Variants in PDLIM2 observed in about 807,000 individuals in gnomAD.
PDLIM2 encodes the protein PDZ and LIM domain protein 2.
Under a neutral mutation model 54.1 loss-of-function variants are expected in PDLIM2, and 51 were observed. The ratio of observed to expected loss-of-function variants is 0.94; its 90% CI spans 0.75 to 1.19. The LOEUF (loss-of-function observed/expected upper bound fraction) is 1.19, where lower values mean the gene tolerates loss of function less well. PDLIM2 is among the 50% of genes most tolerant of loss of function. PDLIM2 has a pLI of 0.00. For synonymous variants in PDLIM2, 398 were observed against 385.6 expected (o/e 1.03, Z -0.38); for missense variants, 912 against 874.0 (o/e 1.04, Z -0.55).
chr8:22,582,175 C>A (rs564090919), intron 3 of PDLIM2, among the ~76,000 whole-genome samples: 3 of 152,186 alleles, frequency 2.0e-5, no homozygotes, highest in African/African-American at 7.2e-5. Context: ...AGGAGATCCC[C>A]GAGCCAGGAG....
chr8:22,584,877 C>G (rs752802805), exon 4 of PDLIM2: 1 of 1,614,102 alleles, frequency 6.2e-7, no homozygotes, highest in South Asian at 1.1e-5. Flanking sequence ...GAAGTGCTGG[C>G]GACTCGCTTC....
intron 2 of PDLIM2, chr8:22,580,906 T>C: frequency 1.4e-6 from 1 of 714,598 alleles, no homozygotes; most frequent in Non-Finnish European, 2.6e-6. Flanking sequence ...GAAAGGGAGC[T>C]GGGACCAGGA....
At chr8:22,580,663 G>A (rs779480717) in exon 2 of PDLIM2, 1 of 1,614,080 alleles carries the variant, frequency 6.2e-7, no homozygotes, top group South Asian at 1.1e-5. Flanking sequence ...ATCACAGGGG[G>A]CAGGGATTTC....
At chr8:22,593,701 GCT>G in intron 9 of PDLIM2, 30 bp from the exon 9 acceptor site, 1 of 1,542,274 alleles carries the variant, frequency 6.5e-7, no homozygotes, top group Non-Finnish European at 8.8e-7. Flanking sequence ...TGGTGCTGTG[GCT>G]CTGAGCTAAA....
chr8:22,587,659 G>A (rs1352525099), intron 6 of PDLIM2: 2 of 152,224 alleles, frequency 1.3e-5, no homozygotes, highest in East Asian at 1.9e-4. Flanking sequence ...GGCAAGGGTC[G>A]CTAACCCCTA....
At chr8:22,580,354 A>C in intron 1 of PDLIM2, 121 bp from the exon 1 acceptor site, 1 of 869,904 alleles carries the variant, frequency 1.1e-6, no homozygotes. Context: ...CCCTCCTGGG[A>C]GTCGCTCCCT....
At chr8:22,584,711 T>C in intron 3 of PDLIM2, 110 bp from the exon 3 acceptor site, 1 of 1,018,294 alleles carries the variant, frequency 9.8e-7, no homozygotes, top group South Asian at 1.4e-5. Context: ...CCAAATTTTC[T>C]GTAGCTTTTA....
chr8:22,585,396 A>C (rs1401608348), exon 6 of PDLIM2: 1 of 1,608,498 alleles, frequency 6.2e-7, no homozygotes, highest in Non-Finnish European at 8.5e-7. Context: ...CTGGAAGCCG[A>C]CAGGTGAGGC....
chr8:22,594,789 G>T (rs1487139089), downstream of PDLIM2: 37 of 1,343,912 alleles, frequency 2.8e-5, no homozygotes, highest in South Asian at 7.5e-5. Context: ...GGGAAAAAGG[G>T]CAGGGTGGCT....
At chr8:22,579,320 C>A in exon 1 of PDLIM2, 1 of 1,426,434 alleles carries the variant, frequency 7.0e-7, no homozygotes, top group East Asian at 3.0e-5. Context: ...TGGCCTCGTC[C>A]GCGGCCCAGC....
intron 9 of PDLIM2, chr8:22,591,997 T>G: frequency 4.9e-6 from 1 of 202,406 alleles, no homozygotes; most frequent in East Asian, 1.1e-4. Flanking sequence ...TTTCCCCTTC[T>G]TCCCCCTTTG....
chr8:22,579,045 C>A, exon 1 of PDLIM2: 1 of 1,241,108 alleles, frequency 8.1e-7, no homozygotes, highest in Non-Finnish European at 1.0e-6. Context: ...GAGGCGGCGG[C>A]TTCTCGGGCT....
intron 3 of PDLIM2, among the ~76,000 whole-genome samples, chr8:22,584,150 C>T (rs868129143): frequency 6.0e-5 from 9 of 151,148 alleles, no homozygotes; most frequent in South Asian, 4.2e-4. Flanking sequence ...TACAGGCATG[C>T]GTCACTATGG....
At position 22,589,416 on chromosome 8, in the gene PDLIM2, G is replaced by C. The variant is rs780091484; in HGVS notation, c.1367+42G>C. 5.2e-6 allele frequency: 8 copies of C among 1,534,438 alleles called. No homozygotes were observed. The South Asian group carries it at 9.6e-5, about 18-fold the overall frequency. On this transcript the variant is annotated intron_variant, in intron 7 of 9. Transcript: ENST00000308354. ...GAGGGTCGGGTTGGGGTCTTGGAAG[G>C]CTGGGAGGGGCAGGAGGGAGACGGG...
At chr8:22,579,599 T>G in intron 1 of PDLIM2, 1 of 1,371,712 alleles carries the variant, frequency 7.3e-7, no homozygotes. Context: ...GAACAGAGGC[T>G]AGGCCTGGGC....
intron 8 of PDLIM2, 149 bp downstream of exon 7, chr8:22,589,890 A>AGCCCCT: frequency 8.7e-7 from 1 of 1,147,526 alleles, no homozygotes; most frequent in Non-Finnish European, 1.2e-6. Flanking sequence ...GCGAAGCCCC[A>AGCCCCT]GCCCCTGCCC....
chr8:22,594,222 G>A, exon 10 of PDLIM2: 1 of 1,396,468 alleles, frequency 7.2e-7, no homozygotes, highest in Admixed American at 3.1e-5. Flanking sequence ...AGAGGGGTGG[G>A]CCAGGGGCTA....
At chr8:22,580,862 T>C (rs1800175816) in intron 2 of PDLIM2, 165 bp downstream of exon 1, 1 of 802,544 alleles carries the variant, frequency 1.2e-6, no homozygotes. Context: ...GCCACGGGGA[T>C]GTGGTGGCCA....
At chr8:22,581,154 T>C (rs986349209) in intron 2 of PDLIM2, 1 of 660,238 alleles carries the variant, frequency 1.5e-6, no homozygotes, top group Non-Finnish European at 2.8e-6. Context: ...CCACTGCACA[T>C]TCTTTGGGAG....
Sources: gnomAD v4.1 joint callset for allele counts (sites outside exome capture counted in the v4.1 genomes callset) on GRCh38, gnomAD v4.1.1 for gene constraint, MANE v1.5 for transcripts, NCBI Gene and HGNC (gene_info 2026-07-23, HGNC 2026-07-21) for gene names.